Variants in LYPD6B observed in about 807,000 individuals in gnomAD.
LYPD6B encodes ly6/PLAUR domain-containing protein 6B.
In LYPD6B, 17 loss-of-function variants were observed where a neutral mutation model predicts 22.8. The observed-to-expected ratio is 0.75, with a 90% CI of 0.51 to 1.12. The LOEUF (loss-of-function observed/expected upper bound fraction) is 1.12, where lower values mean the gene tolerates loss of function less well. LYPD6B is among the 50% of genes most tolerant of loss of function. The pLI is 0.00. For synonymous variants in LYPD6B, 106 were observed against 91.6 expected, an observed-to-expected ratio of 1.16 and a Z score of -0.90; for missense variants, 221 against 258.3, an observed-to-expected ratio of 0.86 and a Z score of 0.99.
At chr2:149,041,018 G>T (rs544407511) in intron 1 of LYPD6B, among the ~76,000 whole-genome samples, 9 of 150,502 alleles carry the variant, frequency 6.0e-5, no homozygotes, top group Non-Finnish European at 1.0e-4. Context: ...GGGACGTAGT[G>T]AAGACTCCCC....
intron 1 of LYPD6B, among the ~76,000 whole-genome samples, chr2:149,065,856 A>G (rs1309463417): frequency 6.6e-6 from 1 of 152,020 alleles, no homozygotes; most frequent in Non-Finnish European, 1.5e-5. Flanking sequence ...CTACAGGGGC[A>G]TGCCACTGTG....
In LYPD6B at chr2:149,205,270, G is replaced by T; in HGVS notation, c.95G>T (p.Arg32Leu). 6.2e-7 allele frequency: 1 copy of T among 1,613,404 alleles called. No homozygotes were observed. The highest frequency in any genetic ancestry group is 8.5e-7 in the Non-Finnish European group (1 of 1,179,656). ...FSFSRYKSSD[R>L]PAHKVSMLLL... ...CACCATAGATATAAGAGTTCGGACC[G>T]CCCAGCACACAAGGTCAGCATGCTG... Residue 32 changes from arginine to leucine, a missense_variant, in exon 4 of 7, where the codon CGC (arginine) becomes CTC (leucine). Physicochemically the swap from Arg to Leu is moderately radical, Grantham distance 102. Transcript: ENST00000409642.
At chr2:149,170,658 A>C (rs1318846794) in intron 3 of LYPD6B, among the ~76,000 whole-genome samples, 1 of 152,228 alleles carries the variant, frequency 6.6e-6, no homozygotes, top group Non-Finnish European at 1.5e-5. Context: ...ATTTTGAAAC[A>C]TTATGGTTTA....
intron 1 of LYPD6B, among the ~76,000 whole-genome samples, chr2:149,048,051 G>A (rs779323853): frequency 2.6e-5 from 4 of 151,944 alleles, no homozygotes; most frequent in South Asian, 2.1e-4. Context: ...TTTCCACTAC[G>A]GACTTTTATA....
In LYPD6B at chr2:149,214,561, T is replaced by C; in HGVS notation, c.475T>C (p.Cys159Arg). ...TTTGTAACAGGAGTGTAGGTCTTGC[T>C]GTGAAGGAATGATCTGCAATGTAGA... ...DSEHTECRSC[C>R]EGMICNVELP... The change falls in exon 7 of 7, where the codon TGT (cysteine) becomes CGT (arginine). Residue 159 changes from cysteine to arginine, a missense_variant. Physicochemically the swap from Cys to Arg is radical, Grantham distance 180. Coordinates refer to ENST00000409642, the MANE Select transcript of LYPD6B (RefSeq NM_177964.5). 1 of 1,613,864 alleles carries C rather than the reference T, an allele frequency of 6.2e-7. No homozygotes were observed. Among genetic ancestry groups the C allele is most frequent in the Non-Finnish European group, 8.5e-7 (1 of 1,179,816 alleles).
At chr2:149,169,168 C>G (rs971613595) in intron 3 of LYPD6B, among the ~76,000 whole-genome samples, 8 of 151,974 alleles carry the variant, frequency 5.3e-5, no homozygotes, top group Admixed American at 1.3e-4. Flanking sequence ...TGCATGGACC[C>G]GCTCTTGGGG....
intron 1 of LYPD6B, among the ~76,000 whole-genome samples, chr2:149,061,367 G>A (rs1039670871): frequency 3.3e-5 from 5 of 152,126 alleles, no homozygotes; most frequent in African/African-American, 1.2e-4. Context: ...TTAATGTTTA[G>A]ATTTAGTAAT....
chr2:149,096,841 T>C (rs1039059570), intron 1 of LYPD6B, among the ~76,000 whole-genome samples: 1 of 152,132 alleles, frequency 6.6e-6, no homozygotes, highest in African/African-American at 2.4e-5. Context: ...GAGCTCAAGA[T>C]GAAGAAAAAG....
In LYPD6B at chr2:149,125,488, A is replaced by G. The variant is rs552439297; in HGVS notation, c.-66-5395A>G. Among the ~76,000 whole-genome samples, 17 of 152,192 alleles carry G rather than the reference A, an allele frequency of 1.1e-4. No homozygotes were observed. In the South Asian group the frequency reaches 2.9e-3, roughly 26 times the overall value. On this transcript the variant is annotated intron_variant, in intron 1 of 6. Coordinates refer to ENST00000409642, the MANE Select transcript of LYPD6B (RefSeq NM_177964.5). The stretch of plus-strand genomic sequence containing the variant: ...CAGGAAACAAGTCAACCTCTCCCCC[A>G]TCACAAATGTGGAGGACAGGCTTGG...
chr2:149,072,950 G>A (rs922652120), intron 1 of LYPD6B, among the ~76,000 whole-genome samples: 4 of 152,230 alleles, frequency 2.6e-5, no homozygotes, highest in African/African-American at 7.2e-5. Flanking sequence ...TTTCTAGGCA[G>A]AGGGAACAGC....
chr2:149,174,413 A>G (rs1691101656), intron 3 of LYPD6B, among the ~76,000 whole-genome samples: 1 of 152,184 alleles, frequency 6.6e-6, no homozygotes, highest in South Asian at 2.1e-4. Context: ...AGAACTTCCA[A>G]TACTATGTTA....
chr2:149,212,845 C>A, intron 5 of LYPD6B, 147 bp from the exon 6 acceptor site: 1 of 638,208 alleles, frequency 1.6e-6, no homozygotes, highest in Non-Finnish European at 2.6e-6. Flanking sequence ...CTTCAGAGTT[C>A]ACTGCTATGA....
At chr2:149,152,474 C>G (rs1247381789) in intron 2 of LYPD6B, among the ~76,000 whole-genome samples, 1 of 152,142 alleles carries the variant, frequency 6.6e-6, no homozygotes, top group Non-Finnish European at 1.5e-5. Context: ...TGGAATTGGA[C>G]AAGTGGGAAT....
chr2:149,090,664 C>A (rs1685608563), intron 1 of LYPD6B, among the ~76,000 whole-genome samples: 2 of 151,862 alleles, frequency 1.3e-5, no homozygotes, highest in African/African-American at 2.4e-5. Flanking sequence ...TAAAAAAAAA[C>A]CTCAGACTCC....
chr2:149,087,673 C>T (rs1321302774), intron 1 of LYPD6B, among the ~76,000 whole-genome samples: 1 of 152,180 alleles, frequency 6.6e-6, no homozygotes, highest in Non-Finnish European at 1.5e-5. Context: ...CAGGTACTCA[C>T]AGTTACTTGG....
intron 2 of LYPD6B, among the ~76,000 whole-genome samples, chr2:149,156,825 T>G (rs1689733349): frequency 6.6e-6 from 1 of 152,206 alleles, no homozygotes; most frequent in South Asian, 2.1e-4. Flanking sequence ...AAGGGAATTG[T>G]CATTCTACAA....
At chr2:149,061,143 G>A (rs904154930) in intron 1 of LYPD6B, among the ~76,000 whole-genome samples, 1 of 151,982 alleles carries the variant, frequency 6.6e-6, no homozygotes, top group South Asian at 2.1e-4. Context: ...GATGAGCAGA[G>A]GTGTTTCAGC....
At chr2:149,084,030 C>T (rs1192283588) in intron 1 of LYPD6B, among the ~76,000 whole-genome samples, 1 of 152,028 alleles carries the variant, frequency 6.6e-6, no homozygotes, top group African/African-American at 2.4e-5. Context: ...AACCAGGAGG[C>T]AGAGGTTGCA....
intron 1 of LYPD6B, among the ~76,000 whole-genome samples, chr2:149,052,231 A>G (rs546368537): frequency 1.3e-5 from 2 of 151,696 alleles, no homozygotes; most frequent in Non-Finnish European, 2.9e-5. Flanking sequence ...TAGTTTTTGT[A>G]TTTTTAGTAG....
Sources: gnomAD v4.1 joint callset for allele counts (sites outside exome capture counted in the v4.1 genomes callset) on GRCh38, gnomAD v4.1.1 for gene constraint, MANE v1.5 for transcripts, NCBI Gene and HGNC (gene_info 2026-07-23, HGNC 2026-07-21) for gene names.